The following CNTNAP2 variants were observed in gnomAD, a reference collection of about 807,000 sequenced individuals.
CNTNAP2 encodes the protein contactin-associated protein-like 2.
A neutral mutation model predicts 155.2 loss-of-function variants in CNTNAP2; 98 were observed. The ratio of observed to expected loss-of-function variants is 0.63; its 90% CI spans 0.54 to 0.75. The LOEUF (loss-of-function observed/expected upper bound fraction) is 0.75. Among genes scored for constraint, CNTNAP2 ranks in the 30% least tolerant of loss-of-function variants. CNTNAP2 has a pLI of 0.00. For missense variants in CNTNAP2, 1,727 were observed against 1,688.1 expected (o/e 1.02, Z -0.40); for synonymous variants, 651 against 631.2 (o/e 1.03, Z -0.47).
chr7:146,740,902 G>A (rs1394149429), intron 1 of CNTNAP2, among the ~76,000 whole-genome samples: 1 of 152,168 alleles, frequency 6.6e-6, no homozygotes, highest in Admixed American at 6.5e-5. Flanking sequence ...CACTAAGCAA[G>A]CTTAAAGTGT....
intron 9 of CNTNAP2, among the ~76,000 whole-genome samples, chr7:147,302,866 T>G (rs1346351186): frequency 6.6e-6 from 1 of 152,222 alleles, no homozygotes; most frequent in Non-Finnish European, 1.5e-5. Flanking sequence ...ACATATTTAT[T>G]AAATGAACAA....
chr7:146,670,243 A>G (rs186709531), intron 1 of CNTNAP2, among the ~76,000 whole-genome samples: 555 of 152,294 alleles, frequency 3.6e-3, no homozygotes, highest in Admixed American at 8.5e-3. Flanking sequence ...CATTAGTTAC[A>G]TACTGCTTGG....
intron 13 of CNTNAP2, among the ~76,000 whole-genome samples, chr7:147,736,449 T>A (rs552664346): frequency 3.3e-5 from 5 of 152,216 alleles, no homozygotes; most frequent in Non-Finnish European, 4.4e-5. Flanking sequence ...CTGGCTGCCC[T>A]TAACATTTTT....
At chr7:148,329,080 G>A (rs946199380) in intron 21 of CNTNAP2, among the ~76,000 whole-genome samples, 11 of 151,544 alleles carry the variant, frequency 7.3e-5, no homozygotes, top group African/African-American at 2.7e-4. Flanking sequence ...GGGGCTGCTG[G>A]CCCCCTCCCT....
intron 21 of CNTNAP2, among the ~76,000 whole-genome samples, chr7:148,367,493 A>G (rs937058068): frequency 1.1e-4 from 17 of 152,146 alleles, no homozygotes; most frequent in African/African-American, 3.9e-4. Flanking sequence ...ATGGAGGAAG[A>G]AAACCTTGAA....
chr7:146,156,542 T>C (rs959266911), intron 1 of CNTNAP2, among the ~76,000 whole-genome samples: 1 of 152,106 alleles, frequency 6.6e-6, no homozygotes, highest in African/African-American at 2.4e-5. Flanking sequence ...GTCACAGCTA[T>C]TAAATTATTG....
chr7:147,280,263 A>C (rs1005062308), intron 8 of CNTNAP2, among the ~76,000 whole-genome samples: 1 of 151,878 alleles, frequency 6.6e-6, no homozygotes, highest in Non-Finnish European at 1.5e-5. Flanking sequence ...TAAATTAAAC[A>C]ACTGAGGCTT....
chr7:148,201,758 C>G (rs900171466), intron 18 of CNTNAP2, among the ~76,000 whole-genome samples: 1 of 151,948 alleles, frequency 6.6e-6, no homozygotes, highest in African/African-American at 2.4e-5. Context: ...TTTCCAAACT[C>G]AAAGGCACCA....
intron 1 of CNTNAP2, among the ~76,000 whole-genome samples, chr7:146,167,533 T>C (rs1397935650): frequency 6.6e-6 from 1 of 152,220 alleles, no homozygotes; most frequent in African/African-American, 2.4e-5. Context: ...ACTCAAAAGT[T>C]ATTTAAGAAT....
Position 148,140,440 on chromosome 7 carries a change from A to T in CNTNAP2, c.2555-7051A>T, listed in dbSNP as rs1029275701. ...CTTTTTCTTTTTTTTTTTTTTTTTG[A>T]GACAGAGTTTCGCTCTTGTTGCCCA... On this transcript the variant is annotated intron_variant, in intron 16 of 23. Transcript: ENST00000361727. Among the ~76,000 whole-genome samples the T allele has an allele frequency of 1.8e-4, 21 of 119,846 alleles. No individual in the cohort carries two copies. The East Asian group carries it at 2.7e-3, about 15-fold the overall frequency. The allele number at this position is 119,846 out of a possible 152,430, so 78.6% of individuals were successfully genotyped here. A position where few individuals can be genotyped will look rare whatever the true frequency, so the allele number is the denominator to read the frequency against.
At chr7:146,896,376 T>C (rs980547250) in intron 3 of CNTNAP2, among the ~76,000 whole-genome samples, 5 of 152,114 alleles carry the variant, frequency 3.3e-5, no homozygotes, top group Non-Finnish European at 7.4e-5. Context: ...TTATCTCCAC[T>C]AGGCAGTCTC....
At chr7:146,863,047 T>C (rs1795135513) in intron 3 of CNTNAP2, among the ~76,000 whole-genome samples, 1 of 152,204 alleles carries the variant, frequency 6.6e-6, no homozygotes, top group Non-Finnish European at 1.5e-5. Flanking sequence ...ATCTTATTAA[T>C]TTGGGACCTG....
At chr7:147,426,193 T>C (rs1797375091) in intron 10 of CNTNAP2, among the ~76,000 whole-genome samples, 2 of 152,042 alleles carry the variant, frequency 1.3e-5, no homozygotes, top group Non-Finnish European at 2.9e-5. Flanking sequence ...TTTTTTATTT[T>C]TTTAAATAAA....
chr7:147,109,877 G>A (rs1344287936), intron 5 of CNTNAP2, among the ~76,000 whole-genome samples: 2 of 150,786 alleles, frequency 1.3e-5, no homozygotes, highest in Non-Finnish European at 2.9e-5. Flanking sequence ...ACTGTTTTAT[G>A]TGGGGTTGTT....
At chr7:146,205,500 C>A (rs1411765012) in intron 1 of CNTNAP2, among the ~76,000 whole-genome samples, 1 of 151,642 alleles carries the variant, frequency 6.6e-6, no homozygotes, top group Admixed American at 6.6e-5. Flanking sequence ...CTTCTTTTTT[C>A]ATTTTCAGAA....
intron 1 of CNTNAP2, among the ~76,000 whole-genome samples, chr7:146,196,679 T>C (rs1361503589): frequency 6.6e-6 from 1 of 152,106 alleles, no homozygotes; most frequent in Non-Finnish European, 1.5e-5. Context: ...AGACATGGCA[T>C]GTATAGAAAA....
At chr7:147,003,034 G>C (rs1798456585) in intron 3 of CNTNAP2, among the ~76,000 whole-genome samples, 1 of 149,928 alleles carries the variant, frequency 6.7e-6, no homozygotes, top group South Asian at 2.1e-4. Flanking sequence ...GAAAAGGGTT[G>C]TATCTCTAGC....
At chr7:146,893,155 C>A (rs1795813305) in intron 3 of CNTNAP2, among the ~76,000 whole-genome samples, 1 of 152,002 alleles carries the variant, frequency 6.6e-6, no homozygotes, top group Admixed American at 6.6e-5. Context: ...AGAAAGAAGG[C>A]ATTTTGCCCC....
At chr7:147,514,629 AAAAAT>A (rs1341006531) in intron 11 of CNTNAP2, among the ~76,000 whole-genome samples, 2 of 151,790 alleles carry the variant, frequency 1.3e-5, no homozygotes, top group African/African-American at 4.8e-5. Flanking sequence ...ACTAAAAAAA[AAAAAT>A]AATAAGGTGT....
Sources: gnomAD v4.1 joint callset for allele counts (sites outside exome capture counted in the v4.1 genomes callset) on GRCh38, gnomAD v4.1.1 for gene constraint, MANE v1.5 for transcripts, NCBI Gene and HGNC (gene_info 2026-07-23, HGNC 2026-07-21) for gene names.